The following ROBO1 variants were observed in gnomAD, a reference collection of about 807,000 sequenced individuals.
The protein encoded by ROBO1 is roundabout homolog 1.
ROBO1 carries 149 observed loss-of-function variants against 195.9 expected under a neutral mutation model. The observed-to-expected ratio is 0.76, with a 90% CI of 0.67 to 0.87. The LOEUF (loss-of-function observed/expected upper bound fraction) is 0.87. Among genes scored for constraint, ROBO1 ranks in the 40% least tolerant of loss-of-function variants. The probability of loss-of-function intolerance (pLI) is 0.00; values close to 1 mark genes in which losing one functional copy is unlikely to be tolerated. For synonymous variants in ROBO1, 816 were observed against 733.2 expected (o/e 1.11, Z -1.82); for missense variants, 1,933 against 2,068.3 (o/e 0.93, Z 1.27).
Position 79,737,977 on chromosome 3 carries a change from C to T in ROBO1, c.-51+29775G>A, listed in dbSNP as rs543252754. Among the ~76,000 whole-genome samples, 8 of 152,278 alleles carry T rather than the reference C, an allele frequency of 5.3e-5. No individual in the cohort carries two copies. The East Asian group carries it at 1.5e-3, about 29-fold the overall frequency. On this transcript the variant is annotated intron_variant, in intron 1 of 30. Transcript: ENST00000464233. ...TCCCGCTGGAAACCAGCCTGTTAGT[C>T]ATCTACTTGGTTAGAGACTGACCTG... is the stretch of plus-strand genomic sequence containing the variant.
At chr3:78,670,438 T>G in intron 10 of ROBO1, 137 bp from the exon 11 acceptor site, 1 of 688,282 alleles carries the variant, frequency 1.5e-6, no homozygotes, top group Non-Finnish European at 2.4e-6. Flanking sequence ...AGACATGCAT[T>G]ATTCAAAATG....
intron 2 of ROBO1, among the ~76,000 whole-genome samples, chr3:79,450,780 C>A (rs190124220): frequency 6.6e-6 from 1 of 151,788 alleles, no homozygotes; most frequent in Non-Finnish European, 1.5e-5. Flanking sequence ...TTCTATAATA[C>A]CCTGAATTTC....
rs1250752237 is a variant in ROBO1, at chr3:79,328,799, C to G, written c.89-203260G>C. Among the ~76,000 whole-genome samples the G allele has an allele frequency of 6.6e-5, 10 of 151,962 alleles. No individual in the cohort carries two copies. The East Asian group carries it at 1.9e-3, about 29-fold the overall frequency. On this transcript the variant is annotated intron_variant, in intron 2 of 30. Transcript: ENST00000464233. ...CTCCCACCTTTCCCCCGTCACCCCCCTCCCATCTTTCACCCAGAATTCCCA... is the reference window on the plus strand; with the variant it reads ...CTCCCACCTTTCCCCCGTCACCCCCGTCCCATCTTTCACCCAGAATTCCCA...
At chr3:79,530,258 T>C (rs1941593002) in intron 2 of ROBO1, among the ~76,000 whole-genome samples, 1 of 152,182 alleles carries the variant, frequency 6.6e-6, no homozygotes, top group African/African-American at 2.4e-5. Context: ...TCTAATTTTA[T>C]ACTTTCTCCC....
chr3:79,341,354 A>G (rs2034898030), intron 2 of ROBO1, among the ~76,000 whole-genome samples: 1 of 152,194 alleles, frequency 6.6e-6, no homozygotes, highest in African/African-American at 2.4e-5. Context: ...AAGGATTTAG[A>G]AGATTCAACT....
chr3:78,693,029 T>C (rs757106187), intron 8 of ROBO1: 5 of 235,292 alleles, frequency 2.1e-5, no homozygotes, highest in Non-Finnish European at 4.1e-5. Flanking sequence ...TCTTACGATA[T>C]ATATATATTC....
intron 1 of ROBO1, among the ~76,000 whole-genome samples, chr3:79,643,155 T>C (rs952490607): frequency 1.3e-5 from 2 of 152,166 alleles, no homozygotes; most frequent in African/African-American, 4.8e-5. Flanking sequence ...CTTTCATCTT[T>C]TTCTCATATG....
intron 2 of ROBO1, among the ~76,000 whole-genome samples, chr3:79,322,237 C>T (rs929347597): frequency 6.6e-6 from 1 of 152,156 alleles, no homozygotes; most frequent in Non-Finnish European, 1.5e-5. Flanking sequence ...AGTATATACA[C>T]AGTCTTCTTT....
chr3:79,648,114 G>T (rs1322210182), intron 1 of ROBO1, among the ~76,000 whole-genome samples: 1 of 152,048 alleles, frequency 6.6e-6, no homozygotes. Context: ...TTAGAACTGA[G>T]ATACCCATAC....
intron 3 of ROBO1, among the ~76,000 whole-genome samples, chr3:79,065,541 C>T (rs961885216): frequency 1.3e-5 from 2 of 151,708 alleles, no homozygotes; most frequent in African/African-American, 4.8e-5. Context: ...TCTTAACATG[C>T]CAGATAAAAA....
intron 4 of ROBO1, among the ~76,000 whole-genome samples, chr3:78,788,893 G>A (rs2083932532): frequency 6.6e-6 from 1 of 152,132 alleles, no homozygotes; most frequent in African/African-American, 2.4e-5. Context: ...CTTAATTAGA[G>A]TTAGATTGCA....
chr3:79,240,004 T>G (rs188350821), intron 2 of ROBO1, among the ~76,000 whole-genome samples: 45 of 152,318 alleles, frequency 3.0e-4, no homozygotes, highest in Non-Finnish European at 4.1e-4. Flanking sequence ...CGAATCAAAC[T>G]AATTAACATA....
chr3:79,385,742 C>A (rs2036719197), intron 2 of ROBO1, among the ~76,000 whole-genome samples: 1 of 152,118 alleles, frequency 6.6e-6, no homozygotes, highest in Admixed American at 6.6e-5. Context: ...CTGGCAGAAT[C>A]ACTCTCAGGG....
chr3:79,673,493 T>C (rs1216481525), intron 1 of ROBO1, among the ~76,000 whole-genome samples: 2 of 151,980 alleles, frequency 1.3e-5, no homozygotes, highest in Non-Finnish European at 2.9e-5. Flanking sequence ...AGTGCCAATA[T>C]ATGTTCAATG....
At chr3:79,529,307 C>T (rs561085678) in intron 2 of ROBO1, among the ~76,000 whole-genome samples, 129 of 151,916 alleles carry the variant, frequency 8.5e-4, no homozygotes, top group Non-Finnish European at 1.7e-3. Flanking sequence ...CATGGCAAGT[C>T]CCTGTCTCTA....
chr3:78,606,484 CT>C (rs1184540311), intron 29 of ROBO1, among the ~76,000 whole-genome samples: 4 of 152,198 alleles, frequency 2.6e-5, no homozygotes, highest in African/African-American at 9.7e-5. Context: ...TCCCTTCTCC[CT>C]CTTTAACCTG....
chr3:79,284,865 T>C (rs2031784565), intron 2 of ROBO1, among the ~76,000 whole-genome samples: 1 of 152,050 alleles, frequency 6.6e-6, no homozygotes, highest in Admixed American at 6.6e-5. Flanking sequence ...GGTGATAAAA[T>C]GCCACTTCAA....
At chr3:79,039,801 C>CAAAAAAAAAA (rs1214691931) in intron 3 of ROBO1, among the ~76,000 whole-genome samples, 31,221 of 51,164 alleles carry the variant, frequency 0.61, 13,554 homozygotes, top group Middle Eastern at 0.81. Context: ...GACTCCGTCT[C>CAAAAAAAAAA]AAAAAAAAAA....
At chr3:78,887,469 C>G (rs892460116) in intron 4 of ROBO1, among the ~76,000 whole-genome samples, 7 of 152,272 alleles carry the variant, frequency 4.6e-5, no homozygotes, top group African/African-American at 1.7e-4. Flanking sequence ...CCAGAAATGA[C>G]AGCTGAGCCG....
Sources: gnomAD v4.1 joint callset for allele counts (sites outside exome capture counted in the v4.1 genomes callset) on GRCh38, gnomAD v4.1.1 for gene constraint, MANE v1.5 for transcripts, NCBI Gene and HGNC (gene_info 2026-07-23, HGNC 2026-07-21) for gene names.